The following SLC37A3 variants were observed in gnomAD, a reference collection of about 807,000 sequenced individuals.
SLC37A3 encodes the protein solute carrier family 37 member 3.
SLC37A3 carries 51 observed loss-of-function variants against 67.1 expected under a neutral mutation model. The ratio of observed to expected loss-of-function variants is 0.76; its 90% CI spans 0.61 to 0.96. The LOEUF (loss-of-function observed/expected upper bound fraction) is 0.96. SLC37A3 is among the 40% of genes least tolerant of loss of function. SLC37A3 has a pLI of 0.00. For synonymous variants in SLC37A3, 214 were observed against 231.4 expected, an observed-to-expected ratio of 0.92 and a Z score of 0.68; for missense variants, 508 against 603.0, an observed-to-expected ratio of 0.84 and a Z score of 1.65.
rs557377763 is a variant in SLC37A3 at position 140,357,359 on chromosome 7, C to T, written c.521+1281G>A. 5.9e-5 allele frequency among the ~76,000 whole-genome samples: 9 copies of T among 152,222 alleles called. No individual in the cohort carries two copies. In the South Asian group the frequency reaches 1.7e-3, roughly 28 times the overall value. On this transcript the variant is annotated intron_variant, in intron 6 of 14. Coordinates refer to ENST00000326232, the MANE Select transcript of SLC37A3 (RefSeq NM_207113.3). ...TCCCAGGAGCTTTATTTGTAACCGC[C>T]CAAAACTGAAAACAACCCAAATGTT...
intron 3 of SLC37A3, among the ~76,000 whole-genome samples, chr7:140,371,290 C>T (rs1797810229): frequency 1.3e-5 from 2 of 152,204 alleles, no homozygotes; most frequent in South Asian, 4.1e-4. Context: ...ATTCTCCTGC[C>T]TCAGCCTCCC....
chr7:140,368,342 G>T (rs1797688708), intron 4 of SLC37A3, among the ~76,000 whole-genome samples: 1 of 152,040 alleles, frequency 6.6e-6, no homozygotes, highest in South Asian at 2.1e-4. Context: ...GAGGCAAGCG[G>T]ATCGTCTGAG....
intron 1 of SLC37A3, among the ~76,000 whole-genome samples, chr7:140,398,137 A>C (rs1799012524): frequency 6.6e-6 from 1 of 151,996 alleles, no homozygotes; most frequent in African/African-American, 2.4e-5. Flanking sequence ...AGGAGCACAA[A>C]AGCCTCTGCC....
rs1465087685 is a variant in SLC37A3, at chr7:140,361,992, C to T, written c.375+2416G>A. Among the ~76,000 whole-genome samples the T allele has an allele frequency of 2.0e-3, 264 of 132,574 alleles. 3 individuals are homozygous for T. In the South Asian group the frequency reaches 0.022, roughly 11 times the overall value. The allele number at this position is 132,574 out of a possible 152,430, so 87.0% of individuals were successfully genotyped here. A position where few individuals can be genotyped will look rare whatever the true frequency, so the allele number is the denominator to read the frequency against. On this transcript the variant is annotated intron_variant, in intron 5 of 14. Coordinates refer to ENST00000326232, the MANE Select transcript of SLC37A3 (RefSeq NM_207113.3). ...GCCACCCTGTCTGGGAAGTGAGGAGCGTCTCTGCCTGGCCCCCCATCGTCT... is the reference window on the plus strand; with the variant it reads ...GCCACCCTGTCTGGGAAGTGAGGAGTGTCTCTGCCTGGCCCCCCATCGTCT...
chr7:140,349,884 G>A (rs1451001430), intron 9 of SLC37A3, among the ~76,000 whole-genome samples: 1 of 152,188 alleles, frequency 6.6e-6, no homozygotes, highest in African/African-American at 2.4e-5. Flanking sequence ...TTAAAAACCA[G>A]TTAAAAGATA....
intron 6 of SLC37A3, 92 bp from the exon 7 acceptor site, chr7:140,355,856 G>T: frequency 9.7e-7 from 1 of 1,030,856 alleles, no homozygotes; most frequent in Non-Finnish European, 1.5e-6. Context: ...CAACCAAGGT[G>T]CATACTACCA....
At chr7:140,364,692 T>C (rs1287224956) in intron 4 of SLC37A3, among the ~76,000 whole-genome samples, 1 of 148,232 alleles carries the variant, frequency 6.7e-6, no homozygotes, top group African/African-American at 2.5e-5. Flanking sequence ...AGTAATACAG[T>C]GAAAACAAAA....
Position 140,345,217 on chromosome 7 carries a change from T to C in SLC37A3, c.1173A>G (p.Thr391=). ...KSINALLMTV[T]GFFIGGPSNM... ...GTGGAGCAGAGCCATGTGCCGTACC[T>C]GTAACAGTCATCAGAAGGGCATTGA... The change falls in exon 12 of 15, where the codon ACA becomes ACG. Residue 391 remains threonine, a splice_region_variant and synonymous_variant. Coordinates refer to ENST00000326232, the MANE Select transcript of SLC37A3 (RefSeq NM_207113.3). The C allele has an allele frequency of 6.2e-7, 1 of 1,613,554 alleles. No individual in the cohort carries two copies. Among genetic ancestry groups the C allele is most frequent in the Non-Finnish European group, 8.5e-7 (1 of 1,179,460 alleles).
At chr7:140,364,715 T>C (rs1299254690) in intron 4 of SLC37A3, among the ~76,000 whole-genome samples, 3 of 141,464 alleles carry the variant, frequency 2.1e-5, no homozygotes, top group African/African-American at 7.9e-5. Context: ...GTTATGAAAA[T>C]AGAAGGAAAA....
In SLC37A3 at chr7:140,345,954, G is replaced by A. The variant is rs762510855; in HGVS notation, c.1041C>T (p.Gly347=). ...TCTTCTGTAGTACATCAGAGATGAA[G>A]CCTTGCAAAGTTCCACCTTCAAGCA... is the stretch of plus-strand genomic sequence containing the variant. The part of the protein sequence containing the change: ...VGGIIGGTLQ[G]FISDVLQKRA... Residue 347 remains glycine (G), a synonymous_variant, in exon 11 of 15, where the codon GGC becomes GGT. Transcript: ENST00000326232. 8.7e-6 allele frequency: 14 copies of A among 1,613,650 alleles called. No homozygotes were observed. The Admixed American group carries it at 2.3e-4, about 27-fold the overall frequency.
At chr7:140,362,169 T>C (rs7778606) in intron 5 of SLC37A3, among the ~76,000 whole-genome samples, 87,590 of 122,902 alleles carry the variant, frequency 0.71, 30,733 homozygotes, top group East Asian at 0.88. Flanking sequence ...CGCCGCCCAT[T>C]GTCTGAGATG....
chr7:140,352,001 C>T, intron 8 of SLC37A3, 61 bp downstream of exon 8: 1 of 1,490,182 alleles, frequency 6.7e-7, no homozygotes, highest in Non-Finnish European at 9.2e-7. Context: ...TTCTTGGCCT[C>T]AGATTTCCTT....
chr7:140,343,567 A>G lies in SLC37A3; in HGVS notation c.1175-4T>C. ...GAAGGTCCACCAATAAAAAATCCTG[A>G]AGTCATAAACAGGTTCTTATTAAAA... On this transcript the variant is annotated splice_polypyrimidine_tract_variant and splice_region_variant and intron_variant, in intron 12 of 14. Transcript: ENST00000326232. 6.2e-7 allele frequency: 1 copy of G among 1,613,608 alleles called. No individual in the cohort carries two copies. The highest frequency in any genetic ancestry group is 8.5e-7 in the Non-Finnish European group (1 of 1,179,574).
At chr7:140,386,099 T>A (rs1405724349) in intron 1 of SLC37A3, among the ~76,000 whole-genome samples, 1 of 151,948 alleles carries the variant, frequency 6.6e-6, no homozygotes, top group Non-Finnish European at 1.5e-5. Context: ...ATTTATTTAT[T>A]TATTTATTGA....
chr7:140,347,584 C>T (rs1490436647), intron 10 of SLC37A3, among the ~76,000 whole-genome samples: 6 of 152,182 alleles, frequency 3.9e-5, no homozygotes, highest in Admixed American at 2.6e-4. Flanking sequence ...AGACTGTGTG[C>T]TTTCACAAGC....
At chr7:140,376,087 AC>A (rs201490691) in intron 3 of SLC37A3, among the ~76,000 whole-genome samples, 26,948 of 152,090 alleles carry the variant, frequency 0.18, 3,418 homozygotes, top group African/African-American at 0.36. Flanking sequence ...CCAAGAAGTT[AC>A]CAAAAACTCC....
rs147193303 is a variant in SLC37A3 at position 140,345,879 on chromosome 7, G to A, written c.1116C>T (p.Ile372=). 3.4e-5 allele frequency: 55 copies of A among 1,612,734 alleles called. 1 individual carries two copies. The African/African-American group carries it at 6.0e-4, about 18-fold the overall frequency. The change falls in exon 11 of 15, where the codon ATC becomes ATT. Residue 372 remains isoleucine, a synonymous_variant. Transcript: ENST00000326232. ...CAAAAGAATACTCACGACTATACCCGATGAGGGACCCAACTGCCAGAAGCA... is the reference window on the plus strand; with the variant it reads ...CAAAAGAATACTCACGACTATACCCAATGAGGGACCCAACTGCCAGAAGCA... The part of the protein sequence containing the change: ...LSLLLAVGSL[I]GYSRSPNDKS...
At chr7:140,389,982 G>A (rs1798660755) in intron 1 of SLC37A3, among the ~76,000 whole-genome samples, 1 of 152,184 alleles carries the variant, frequency 6.6e-6, no homozygotes, top group East Asian at 1.9e-4. Flanking sequence ...CTAGCTACTG[G>A]GGAGGCTGAG....
At chr7:140,392,331 C>T (rs927034670) in intron 1 of SLC37A3, among the ~76,000 whole-genome samples, 1 of 152,108 alleles carries the variant, frequency 6.6e-6, no homozygotes, top group Non-Finnish European at 1.5e-5. Context: ...TATGAGGTAG[C>T]CTTTACTTCT....
Sources: gnomAD v4.1 joint callset for allele counts (sites outside exome capture counted in the v4.1 genomes callset) on GRCh38, gnomAD v4.1.1 for gene constraint, MANE v1.5 for transcripts, NCBI Gene and HGNC (gene_info 2026-07-23, HGNC 2026-07-21) for gene names.